SOX5: variants seen among roughly 807,000 people sequenced by gnomAD.
The protein encoded by SOX5 is SRY-box transcription factor 5, also known as transcription factor SOX-5.
In SOX5, 9 loss-of-function variants were observed where a neutral mutation model predicts 92.0. The ratio of observed to expected loss-of-function variants is 0.10; its 90% CI spans 0.06 to 0.17. The LOEUF is 0.17. Among genes scored for constraint, SOX5 ranks in the 10% least tolerant of loss-of-function variants. The probability of loss-of-function intolerance (pLI) is 1.00; values close to 1 mark genes in which losing one functional copy is unlikely to be tolerated. For missense variants in SOX5, 642 were observed against 944.5 expected, an observed-to-expected ratio of 0.68 and a Z score of 4.20; for synonymous variants, 344 against 336.3, an observed-to-expected ratio of 1.02 and a Z score of -0.25.
intron 6 of SOX5, among the ~76,000 whole-genome samples, chr12:23,706,426 A>C (rs997580411): frequency 6.6e-6 from 1 of 152,132 alleles, no homozygotes; most frequent in African/African-American, 2.4e-5. Context: ...ATTGGGTAGC[A>C]TAAACTAACC....
At chr12:23,539,051 C>T (rs1030566649) in intron 13 of SOX5, among the ~76,000 whole-genome samples, 3 of 151,708 alleles carry the variant, frequency 2.0e-5, no homozygotes, top group Admixed American at 2.0e-4. Flanking sequence ...GTGATCTGCC[C>T]GGTTCGGCCT....
At chr12:24,180,531 C>T (rs916153756) in intron 4 of SOX5, among the ~76,000 whole-genome samples, 4 of 152,100 alleles carry the variant, frequency 2.6e-5, no homozygotes, top group African/African-American at 7.2e-5. Flanking sequence ...ATTCGTTTAG[C>T]CCAGTCTGGA....
intron 1 of SOX5, among the ~76,000 whole-genome samples, chr12:24,410,074 TGCA>T (rs1963796118): frequency 6.6e-6 from 1 of 152,014 alleles, no homozygotes; most frequent in South Asian, 2.1e-4. Context: ...CAAGGCTCAC[TGCA>T]GCCTCGACCT....
chr12:23,730,076 A>G (rs1463556920), intron 6 of SOX5, among the ~76,000 whole-genome samples: 1 of 152,126 alleles, frequency 6.6e-6, no homozygotes, highest in East Asian at 1.9e-4. Context: ...GTCAAGATGA[A>G]CCACTGGTCC....
chr12:24,289,291 C>A (rs1453186014), intron 2 of SOX5, among the ~76,000 whole-genome samples: 3 of 144,878 alleles, frequency 2.1e-5, no homozygotes, highest in Non-Finnish European at 4.6e-5. Context: ...AAAAAAAAAA[C>A]AAAAACAAAA....
intron 3 of SOX5, among the ~76,000 whole-genome samples, chr12:23,807,961 G>C (rs1411384979): frequency 6.6e-6 from 1 of 151,946 alleles, no homozygotes; most frequent in Non-Finnish European, 1.5e-5. Context: ...AATTCCAATA[G>C]TTTTAAGCCA....
intron 9 of SOX5, among the ~76,000 whole-genome samples, chr12:23,596,867 A>T (rs898263517): frequency 6.6e-6 from 1 of 152,218 alleles, no homozygotes; most frequent in Non-Finnish European, 1.5e-5. Flanking sequence ...TTTAAAAATG[A>T]ATATATTTAG....
intron 4 of SOX5, among the ~76,000 whole-genome samples, chr12:24,075,193 CA>C (rs1942390909): frequency 6.8e-6 from 1 of 147,548 alleles, no homozygotes; most frequent in Non-Finnish European, 1.5e-5. Flanking sequence ...TGCTTGAGCC[CA>C]AAACTTTGAG....
Position 24,463,278 on chromosome 12 carries a change from C to T in SOX5, c.-250-94639G>A, listed in dbSNP as rs373813167. Reference sequence around the variant, plus strand: ...TTTGCCCTAACTTTATAGAAAGCAACATTTGGGGCAATTGAAGGTATTTTA... The same window carrying T: ...TTTGCCCTAACTTTATAGAAAGCAATATTTGGGGCAATTGAAGGTATTTTA... On this transcript the variant is annotated intron_variant, in intron 1 of 4. Coordinates refer to the SOX5 transcript ENST00000446891. 1.1e-3 allele frequency among the ~76,000 whole-genome samples: 172 copies of T among 151,692 alleles called. 1 individual carries two copies. Among genetic ancestry groups the T allele is most frequent in the African/African-American group, 4.1e-3 (171 of 41,316 alleles).
At chr12:24,142,448 A>G (rs1312575561) in intron 4 of SOX5, among the ~76,000 whole-genome samples, 1 of 152,040 alleles carries the variant, frequency 6.6e-6, no homozygotes, top group Non-Finnish European at 1.5e-5. Flanking sequence ...ATGGTTGTGT[A>G]TAGAAACATG....
At chr12:23,787,415 CA>C (rs2095400647) in intron 3 of SOX5, among the ~76,000 whole-genome samples, 2 of 151,846 alleles carry the variant, frequency 1.3e-5, no homozygotes, top group Non-Finnish European at 2.9e-5. Flanking sequence ...CTACTTAAAA[CA>C]AAAGATTTAA....
At chr12:24,059,741 G>A (rs1476370326) in intron 4 of SOX5, among the ~76,000 whole-genome samples, 1 of 152,136 alleles carries the variant, frequency 6.6e-6, no homozygotes, top group African/African-American at 2.4e-5. Flanking sequence ...GTTCCTGGTG[G>A]ATAGTCATTT....
At chr12:24,558,416 A>T (rs1000470604) in intron 1 of SOX5, among the ~76,000 whole-genome samples, 1 of 152,172 alleles carries the variant, frequency 6.6e-6, no homozygotes, top group Non-Finnish European at 1.5e-5. Context: ...ACCCTGACTC[A>T]ATTTTAAAGA....
intron 3 of SOX5, among the ~76,000 whole-genome samples, chr12:24,272,919 GA>G (rs71059999): frequency 0.025 from 3,660 of 147,252 alleles, 89 homozygotes; most frequent in African/African-American, 0.066. Context: ...TCTATCTTTT[GA>G]AAAAAAAAAA....
At position 23,646,264 on chromosome 12, in the gene SOX5, T is replaced by A. The variant is rs183711055; in HGVS notation, c.932-5367A>T. Among the ~76,000 whole-genome samples the A allele has an allele frequency of 1.5e-3, 234 of 152,300 alleles. 1 individual carries two copies. Among genetic ancestry groups the A allele is most frequent in the Non-Finnish European group, 2.9e-3 (200 of 68,022 alleles). On this transcript the variant is annotated intron_variant, in intron 7 of 14. Coordinates refer to ENST00000451604, the MANE Select transcript of SOX5 (RefSeq NM_006940.6). The stretch of plus-strand genomic sequence containing the variant: ...AACATTACTCACTGCATCCTTGACC[T>A]CCTGGTCTCAGGCAATCCTCTCACC...
chr12:23,849,862 C>A (rs2096612432), intron 2 of SOX5, among the ~76,000 whole-genome samples: 1 of 151,996 alleles, frequency 6.6e-6, no homozygotes, highest in Non-Finnish European at 1.5e-5. Flanking sequence ...AGTAATGGTA[C>A]TCAGTAGTCT....
intron 4 of SOX5, among the ~76,000 whole-genome samples, chr12:23,991,321 TA>T (rs918055061): frequency 2.7e-5 from 4 of 149,036 alleles, no homozygotes; most frequent in Admixed American, 2.0e-4. Context: ...GTCTCTTTCT[TA>T]AAAAAAAAAC....
At chr12:24,019,325 A>G (rs1954030278) in intron 4 of SOX5, among the ~76,000 whole-genome samples, 2 of 152,310 alleles carry the variant, frequency 1.3e-5, no homozygotes, top group East Asian at 1.9e-4. Context: ...TAGATAACAT[A>G]TAGACATCTC....
chr12:23,564,165 A>G (rs769192529), intron 10 of SOX5, among the ~76,000 whole-genome samples: 3 of 152,214 alleles, frequency 2.0e-5, no homozygotes, highest in Non-Finnish European at 2.9e-5. Flanking sequence ...TTAGTAATAC[A>G]CACTACCAAA....
Sources: gnomAD v4.1 joint callset for allele counts (sites outside exome capture counted in the v4.1 genomes callset) on GRCh38, gnomAD v4.1.1 for gene constraint, MANE v1.5 for transcripts, NCBI Gene and HGNC (gene_info 2026-07-23, HGNC 2026-07-21) for gene names.